Variants in SGIP1 observed in about 807,000 individuals in gnomAD.
SGIP1 encodes the protein SH3GL interacting endocytic adaptor 1.
In SGIP1, 38 loss-of-function variants were observed where a neutral mutation model predicts 107.5. The ratio of observed to expected loss-of-function variants is 0.35; its 90% confidence interval spans 0.27 to 0.46. The LOEUF (loss-of-function observed/expected upper bound fraction) is 0.46. Ranked by LOEUF, SGIP1 falls within the 20% of genes least tolerant of loss-of-function variation. The pLI is 1.00. For synonymous variants in SGIP1, 365 were observed against 366.1 expected, an observed-to-expected ratio of 1.00 and a Z score of 0.03; for missense variants, 929 against 1,019.5, an observed-to-expected ratio of 0.91 and a Z score of 1.21.
Position 66,682,247 on chromosome 1 carries a change from C to T in SGIP1, c.1193C>T (p.Ser398Leu). ...FIKDDYLETI[S>L]SPKDFGLGQR... ...AAAGATGATTACTTAGAAACAATCTCATCTCCTAAAGATTTTGGGTTGGGA... is the reference window on the plus strand; with the variant it reads ...AAAGATGATTACTTAGAAACAATCTTATCTCCTAAAGATTTTGGGTTGGGA... The change falls in exon 15 of 25, where the codon TCA becomes TTA. Residue 398 changes from serine to leucine, a missense_variant. Coordinates refer to ENST00000371037, the MANE Select transcript of SGIP1 (RefSeq NM_032291.4). The T allele has an allele frequency of 6.2e-7, 1 of 1,614,228 alleles. No homozygotes were observed. Among genetic ancestry groups the T allele is most frequent in the South Asian group, 1.1e-5 (1 of 91,070 alleles).
At chr1:66,713,250 C>T (rs2150364203) in intron 18 of SGIP1, among the ~76,000 whole-genome samples, 1 of 152,106 alleles carries the variant, frequency 6.6e-6, no homozygotes, top group Admixed American at 6.5e-5. Flanking sequence ...ACCTTATTAC[C>T]AGGATTAATA....
At chr1:66,717,604 G>A (rs534049598) in intron 18 of SGIP1, among the ~76,000 whole-genome samples, 3 of 152,182 alleles carry the variant, frequency 2.0e-5, no homozygotes, top group Admixed American at 2.0e-4. Flanking sequence ...CACTGTAATT[G>A]CCCACTTGGT....
At chr1:66,598,690 A>G (rs530761512) in intron 1 of SGIP1, among the ~76,000 whole-genome samples, 2 of 152,318 alleles carry the variant, frequency 1.3e-5, no homozygotes, top group South Asian at 4.1e-4. Context: ...GAGGTGCCAC[A>G]CACTTTTGAA....
At chr1:66,539,950 T>C (rs1216792991) in intron 1 of SGIP1, among the ~76,000 whole-genome samples, 2 of 152,146 alleles carry the variant, frequency 1.3e-5, no homozygotes, top group East Asian at 3.8e-4. Flanking sequence ...AGAAATCTGG[T>C]CTACCATTTT....
chr1:66,679,757 G>T lies in SGIP1; in HGVS notation c.814+5G>T, dbSNP rs201997789. ...CCCCCTTAACAATTGGACCAGGTAC[G>T]CTTTTGTTTTTTCAGTTCTGGGATG... On this transcript the variant is annotated splice_donor_5th_base_variant and intron_variant, in intron 14 of 24. Coordinates refer to ENST00000371037, the MANE Select transcript of SGIP1 (RefSeq NM_032291.4). 1 of 1,590,458 alleles carries T rather than the reference G, an allele frequency of 6.3e-7. No individual in the cohort carries two copies. Among genetic ancestry groups the T allele is most frequent in the Non-Finnish European group, 8.5e-7 (1 of 1,173,796 alleles).
At chr1:66,573,696 G>A (rs1296185585) in intron 1 of SGIP1, among the ~76,000 whole-genome samples, 4 of 152,092 alleles carry the variant, frequency 2.6e-5, no homozygotes, top group Non-Finnish European at 4.4e-5. Flanking sequence ...CTTATAAGTG[G>A]AAGCTAAATG....
At chr1:66,684,593 A>G (rs1371639723) in intron 15 of SGIP1, among the ~76,000 whole-genome samples, 1 of 152,250 alleles carries the variant, frequency 6.6e-6, no homozygotes, top group Non-Finnish European at 1.5e-5. Context: ...GGACATTTAA[A>G]GAACACCCAC....
intron 8 of SGIP1, among the ~76,000 whole-genome samples, chr1:66,664,817 A>G (rs1474583243): frequency 6.6e-6 from 1 of 152,210 alleles, no homozygotes; most frequent in East Asian, 1.9e-4. Context: ...CTCTTTCCCT[A>G]CTCACATGCT....
At chr1:66,711,093 G>GCTTAAA (rs1309679305) in intron 18 of SGIP1, among the ~76,000 whole-genome samples, 1 of 152,046 alleles carries the variant, frequency 6.6e-6, no homozygotes, top group Non-Finnish European at 1.5e-5. Context: ...TATTAATGTA[G>GCTTAAA]CTTAAACTTT....
intron 1 of SGIP1, among the ~76,000 whole-genome samples, chr1:66,611,159 A>G (rs1256384275): frequency 1.3e-5 from 2 of 152,246 alleles, no homozygotes; most frequent in African/African-American, 2.4e-5. Flanking sequence ...TTAAAAAACC[A>G]AAATATTTAA....
chr1:66,631,820 C>T (rs1441884587), intron 2 of SGIP1, among the ~76,000 whole-genome samples: 1 of 152,098 alleles, frequency 6.6e-6, no homozygotes, highest in Non-Finnish European at 1.5e-5. Context: ...CTCCTCAAGA[C>T]ATCAAAGTTC....
rs929984817 is a variant in SGIP1 at position 66,749,270 on chromosome 1, G to A, written c.*6175G>A. On this transcript the variant is annotated 3_prime_UTR_variant, in exon 25 of 25. Coordinates refer to ENST00000371037, the MANE Select transcript of SGIP1 (RefSeq NM_032291.4). ...ATGCCAGTGAATAATCTCCAGTAAC[G>A]TTTTACTAAACAGCTTTAGGAAACT... 3.9e-5 allele frequency among the ~76,000 whole-genome samples: 6 copies of A among 151,988 alleles called. No individual in the cohort carries two copies. The highest frequency in any genetic ancestry group is 1.3e-4 in the Admixed American group (2 of 15,270).
chr1:66,688,217 C>A (rs2088926550), intron 15 of SGIP1, among the ~76,000 whole-genome samples: 1 of 152,202 alleles, frequency 6.6e-6, no homozygotes, highest in East Asian at 1.9e-4. Flanking sequence ...GTGACAAAAA[C>A]CTCAGGAGTA....
intron 18 of SGIP1, among the ~76,000 whole-genome samples, chr1:66,713,668 G>GT: frequency 6.6e-6 from 1 of 152,178 alleles, no homozygotes; most frequent in East Asian, 1.9e-4. Context: ...ATAGGGGGAA[G>GT]GATATGCCTC....
chr1:66,609,634 G>C (rs2067539175), intron 1 of SGIP1, among the ~76,000 whole-genome samples: 3 of 152,148 alleles, frequency 2.0e-5, no homozygotes, highest in South Asian at 4.1e-4. Flanking sequence ...TAAGCCAAAT[G>C]GGAGAACTGA....
intron 7 of SGIP1, among the ~76,000 whole-genome samples, chr1:66,648,446 C>T (rs899213749): frequency 2.0e-5 from 3 of 152,148 alleles, no homozygotes; most frequent in African/African-American, 7.2e-5. Context: ...GACACAGAAC[C>T]ATGGCATGTC....
chr1:66,669,369 T>C (rs1482536081), intron 9 of SGIP1, among the ~76,000 whole-genome samples: 2 of 152,190 alleles, frequency 1.3e-5, no homozygotes, highest in Non-Finnish European at 2.9e-5. Flanking sequence ...AAAAAGGTCT[T>C]CAATACAACC....
intron 1 of SGIP1, among the ~76,000 whole-genome samples, chr1:66,537,128 C>G (rs2053810506): frequency 6.6e-6 from 1 of 152,132 alleles, no homozygotes; most frequent in Non-Finnish European, 1.5e-5. Context: ...GGACCACAAG[C>G]AGGTGATTAG....
At chr1:66,570,664 G>C (rs1401940721) in intron 1 of SGIP1, among the ~76,000 whole-genome samples, 1 of 151,860 alleles carries the variant, frequency 6.6e-6, no homozygotes, top group Non-Finnish European at 1.5e-5. Context: ...ACCAAGCACT[G>C]TGCTAAGCAC....
Sources: allele counts gnomAD v4.1 joint callset (sites outside exome capture counted in the v4.1 genomes callset), GRCh38; gene constraint gnomAD v4.1.1; transcripts MANE v1.5; gene names NCBI Gene and HGNC (gene_info 2026-07-23, HGNC 2026-07-21).